SCMH1: variants seen among roughly 807,000 people sequenced by gnomAD.
SCMH1 encodes Scm polycomb group protein homolog 1, also known as polycomb protein SCMH1.
A neutral mutation model predicts 70.8 loss-of-function variants in SCMH1; 37 were observed. The observed-to-expected ratio is 0.52, with a 90% CI of 0.40 to 0.69. The LOEUF (loss-of-function observed/expected upper bound fraction) is 0.69, where lower values mean the gene tolerates loss of function less well. SCMH1 is among the 30% of genes least tolerant of loss of function. SCMH1 has a pLI of 0.00. For synonymous variants in SCMH1, 292 were observed against 307.4 expected (o/e 0.95, Z 0.52); for missense variants, 607 against 827.3 (o/e 0.73, Z 3.27).
intron 2 of SCMH1, among the ~76,000 whole-genome samples, chr1:41,180,543 T>A (rs1249762037): frequency 6.6e-6 from 1 of 152,182 alleles, no homozygotes; most frequent in African/African-American, 2.4e-5. Flanking sequence ...AGCATTCTTA[T>A]ACACCAATAA....
intron 5 of SCMH1, among the ~76,000 whole-genome samples, chr1:41,150,717 A>G (rs961173702): frequency 1.3e-5 from 2 of 151,782 alleles, no homozygotes; most frequent in African/African-American, 4.8e-5. Flanking sequence ...CGGGCAGATC[A>G]TGAGGTCAGG....
intron 6 of SCMH1, among the ~76,000 whole-genome samples, chr1:41,136,631 G>A (rs770047134): frequency 3.3e-5 from 5 of 151,180 alleles, no homozygotes; most frequent in African/African-American, 4.9e-5. Flanking sequence ...CTCGGCCTCC[G>A]AAAGTGCTGG....
chr1:41,063,699 C>G (rs1653611673), intron 10 of SCMH1, among the ~76,000 whole-genome samples: 1 of 152,140 alleles, frequency 6.6e-6, no homozygotes, highest in Non-Finnish European at 1.5e-5. Context: ...CTATGAACAA[C>G]TCTATGTCCA....
chr1:41,216,998 G>A (rs1446542327), intron 1 of SCMH1, among the ~76,000 whole-genome samples: 1 of 152,186 alleles, frequency 6.6e-6, no homozygotes, highest in Non-Finnish European at 1.5e-5. Context: ...TTGGTACCAA[G>A]AGTGGTGCAC....
chr1:41,204,803 T>C (rs1188283100), intron 1 of SCMH1, among the ~76,000 whole-genome samples: 1 of 152,198 alleles, frequency 6.6e-6, no homozygotes, highest in African/African-American at 2.4e-5. Flanking sequence ...GGTGTTTATG[T>C]TATTCATTCA....
chr1:41,234,118 G>T (rs994575940), intron 1 of SCMH1, among the ~76,000 whole-genome samples: 1 of 151,964 alleles, frequency 6.6e-6, no homozygotes, highest in Non-Finnish European at 1.5e-5. Flanking sequence ...CCTCTATCTG[G>T]TGAATTCCTT....
At chr1:41,072,814 A>G (rs1263830125) in intron 9 of SCMH1, among the ~76,000 whole-genome samples, 2 of 152,152 alleles carry the variant, frequency 1.3e-5, no homozygotes, top group African/African-American at 4.8e-5. Flanking sequence ...TGCAGTAAAC[A>G]ATGATTGTGC....
At chr1:41,049,600 C>T (rs1416348291) in intron 10 of SCMH1, among the ~76,000 whole-genome samples, 1 of 149,092 alleles carries the variant, frequency 6.7e-6, no homozygotes, top group Admixed American at 6.7e-5. Context: ...GAAACCCCGT[C>T]TCTATTAAAA....
intron 6 of SCMH1, among the ~76,000 whole-genome samples, chr1:41,136,773 CTTTTTTTTT>C (rs67410901): frequency 1.8e-5 from 2 of 108,452 alleles, no homozygotes; most frequent in Non-Finnish European, 3.7e-5. Context: ...AAGGACAGTA[CTTTTTTTTT>C]TTTTTTTTTT....
At chr1:41,128,824 GCTTT>G (rs1170548135) in intron 6 of SCMH1, among the ~76,000 whole-genome samples, 1 of 152,028 alleles carries the variant, frequency 6.6e-6, no homozygotes, top group Non-Finnish European at 1.5e-5. Flanking sequence ...GCTCACTGAT[GCTTT>G]CTTTTTCAGT....
intron 8 of SCMH1, among the ~76,000 whole-genome samples, chr1:41,096,201 C>T (rs1023684849): frequency 5.3e-5 from 8 of 151,994 alleles, no homozygotes; most frequent in Non-Finnish European, 7.4e-5. Flanking sequence ...ATTTACCCAA[C>T]ACAGTCTTAG....
intron 6 of SCMH1, among the ~76,000 whole-genome samples, chr1:41,131,119 T>C (rs1312341874): frequency 6.6e-6 from 1 of 152,178 alleles, no homozygotes; most frequent in Non-Finnish European, 1.5e-5. Flanking sequence ...TTTTTCTATG[T>C]GAATATCCAT....
At chr1:41,074,898 T>C (rs1657748034) in intron 9 of SCMH1, among the ~76,000 whole-genome samples, 1 of 152,230 alleles carries the variant, frequency 6.6e-6, no homozygotes, top group Non-Finnish European at 1.5e-5. Flanking sequence ...AGTCTCGCTC[T>C]GTCACCCAGG....
At chr1:41,117,505 T>C (rs958712901) in intron 6 of SCMH1, among the ~76,000 whole-genome samples, 2 of 151,056 alleles carry the variant, frequency 1.3e-5, no homozygotes, top group Non-Finnish European at 1.5e-5. Flanking sequence ...GAGTCACCCT[T>C]TCCCCGGGGA....
rs61347596 is a variant in SCMH1, at chr1:41,147,363, A to C, written c.177+4251T>G. 9.3e-4 allele frequency among the ~76,000 whole-genome samples: 141 copies of C among 152,320 alleles called. 4 individuals carry two copies. The East Asian group carries it at 0.025, about 27-fold the overall frequency. On this transcript the variant is annotated intron_variant, in intron 5 of 14. Coordinates refer to ENST00000337495, the Ensembl canonical transcript of SCMH1. Reference sequence around the variant, plus strand: ...GGAAAGCATTTAGTCTTTCACCATTAAGTAAGATATTCTTTGTAGACTATT... The same window carrying C: ...GGAAAGCATTTAGTCTTTCACCATTCAGTAAGATATTCTTTGTAGACTATT...
intron 2 of SCMH1, among the ~76,000 whole-genome samples, chr1:41,184,112 C>T (rs370023767): frequency 6.6e-6 from 1 of 152,114 alleles, no homozygotes; most frequent in African/African-American, 2.4e-5. Context: ...ATGTATACTT[C>T]TTGAAATTAA....
chr1:41,194,951 G>GA (rs1652640737), intron 1 of SCMH1, among the ~76,000 whole-genome samples: 1 of 151,770 alleles, frequency 6.6e-6, no homozygotes, highest in Non-Finnish European at 1.5e-5. Context: ...GAGCAACCTG[G>GA]AGAAACCCCA....
intron 5 of SCMH1, among the ~76,000 whole-genome samples, chr1:41,151,323 C>T (rs1218006157): frequency 2.0e-5 from 3 of 152,084 alleles, no homozygotes; most frequent in East Asian, 1.9e-4. Flanking sequence ...CTTTCCTGTC[C>T]GAATTAAGAG....
At chr1:41,189,049 TG>T (rs1650990528) in intron 1 of SCMH1, among the ~76,000 whole-genome samples, 1 of 152,172 alleles carries the variant, frequency 6.6e-6, no homozygotes, top group Non-Finnish European at 1.5e-5. Flanking sequence ...CTACTCACTG[TG>T]GTGATGGAAG....
Sources: gnomAD v4.1 joint callset for allele counts (sites outside exome capture counted in the v4.1 genomes callset) on GRCh38, gnomAD v4.1.1 for gene constraint, MANE v1.5 for transcripts, NCBI Gene and HGNC (gene_info 2026-07-23, HGNC 2026-07-21) for gene names.